The following KIAA1217 variants were observed in gnomAD, a reference collection of about 807,000 sequenced individuals.
KIAA1217 encodes KIAA1217, also known as sickle tail protein homolog.
In KIAA1217, 88 loss-of-function variants were observed where a neutral mutation model predicts 163.9. That is an observed-to-expected ratio of 0.54 (90% CI 0.45 to 0.64). The LOEUF is 0.64. KIAA1217 is among the 30% of genes least tolerant of loss of function. The pLI, the probability that KIAA1217 is intolerant of heterozygous loss-of-function variation, is 0.00. For synonymous variants in KIAA1217, 903 were observed against 923.1 expected (o/e 0.98, Z 0.39); for missense variants, 2,372 against 2,475.0 (o/e 0.96, Z 0.88).
intron 2 of KIAA1217, among the ~76,000 whole-genome samples, chr10:24,288,179 T>C (rs2078742720): frequency 6.6e-6 from 1 of 152,258 alleles, no homozygotes; most frequent in Non-Finnish European, 1.5e-5. Context: ...GACTTGTTTA[T>C]TTGAAAGTTG....
chr10:24,010,437 T>A (rs1359332040), intron 2 of KIAA1217, among the ~76,000 whole-genome samples: 1 of 152,074 alleles, frequency 6.6e-6, no homozygotes, highest in African/African-American at 2.4e-5. Context: ...AAATAAAAAG[T>A]TTTTTGAAAG....
chr10:24,504,761 T>C (rs960676164), intron 9 of KIAA1217, among the ~76,000 whole-genome samples: 3 of 152,232 alleles, frequency 2.0e-5, no homozygotes, highest in African/African-American at 7.2e-5. Flanking sequence ...AATCCTAGAC[T>C]GTAGAGCATA....
At chr10:24,329,436 T>C (rs2045374983) in intron 2 of KIAA1217, among the ~76,000 whole-genome samples, 1 of 152,016 alleles carries the variant, frequency 6.6e-6, no homozygotes, top group African/African-American at 2.4e-5. Context: ...TCATTATAAA[T>C]TCCCCTTTCT....
At chr10:23,947,459 T>C (rs1844108839) in intron 1 of KIAA1217, among the ~76,000 whole-genome samples, 1 of 152,218 alleles carries the variant, frequency 6.6e-6, no homozygotes, top group South Asian at 2.1e-4. Flanking sequence ...TATGCCAGGC[T>C]TTCCTTTTAG....
At chr10:24,074,021 T>C (rs182371471) in intron 2 of KIAA1217, among the ~76,000 whole-genome samples, 5 of 152,026 alleles carry the variant, frequency 3.3e-5, no homozygotes, top group African/African-American at 7.2e-5. Flanking sequence ...CAGAAAATAA[T>C]TGGACTGTCT....
chr10:24,386,954 T>A (rs2054093959), intron 3 of KIAA1217, among the ~76,000 whole-genome samples: 1 of 152,192 alleles, frequency 6.6e-6, no homozygotes. Context: ...ATGAAATTTG[T>A]TTTTTCTAAG....
At chr10:23,797,573 A>C (rs1588840930) in intron 1 of KIAA1217, among the ~76,000 whole-genome samples, 1 of 152,086 alleles carries the variant, frequency 6.6e-6, no homozygotes, top group South Asian at 2.1e-4. Flanking sequence ...GTGGCTGGGG[A>C]GGCCTCAGGA....
rs143270065 is a variant in KIAA1217 at position 23,953,252 on chromosome 10, G to A, written c.-320-53973G>A. Among the ~76,000 whole-genome samples the A allele has an allele frequency of 3.0e-4, 45 of 152,262 alleles. No individual in the cohort carries two copies. In the East Asian group the frequency reaches 4.6e-3, roughly 16 times the overall value. ...CTTATGCTTCATGAAAAAATTAACC[G>A]TGAAATATCAGTGGTTTAACATATT... On this transcript the variant is annotated intron_variant, in intron 1 of 18. Transcript: ENST00000376462.
chr10:24,276,252 C>A (rs17505709), intron 2 of KIAA1217, among the ~76,000 whole-genome samples: 48,065 of 152,042 alleles, frequency 0.32, 8,396 homozygotes, highest in Admixed American at 0.47. Context: ...TGCCATTGAA[C>A]AGAACGCAGA....
rs12258264 is a variant in KIAA1217, at chr10:23,774,739, G to A, written c.-321+79505G>A. On this transcript the variant is annotated intron_variant, in intron 1 of 18. Transcript: ENST00000376462. Reference sequence around the variant, plus strand: ...AGAAAAAGGTGCAGTCTGGGGCCCAGGGCCTGCTCTTGTTTGGCTGCTATT... The same window carrying A: ...AGAAAAAGGTGCAGTCTGGGGCCCAAGGCCTGCTCTTGTTTGGCTGCTATT... Among the ~76,000 whole-genome samples the A allele has an allele frequency of 8.8e-3, 1,344 of 152,306 alleles. 35 individuals carry two copies. The highest frequency in any genetic ancestry group is 0.028 in the East Asian group (146 of 5,184).
intron 2 of KIAA1217, among the ~76,000 whole-genome samples, chr10:24,087,587 A>G (rs12254567): frequency 0.13 from 19,697 of 152,186 alleles, 3,166 homozygotes; most frequent in African/African-American, 0.38. Context: ...TAAATGAATT[A>G]GCGAAAGGCT....
At chr10:23,973,904 T>A (rs1845428355) in intron 1 of KIAA1217, among the ~76,000 whole-genome samples, 1 of 152,166 alleles carries the variant, frequency 6.6e-6, no homozygotes, top group Non-Finnish European at 1.5e-5. Flanking sequence ...CAGTCCTGCA[T>A]GTTCAACTCT....
Position 24,219,769 on chromosome 10 carries a change from C to A in KIAA1217, c.214C>A (p.Pro72Thr). 3.1e-6 allele frequency: 5 copies of A among 1,613,890 alleles called. No homozygotes were observed. In the South Asian group the frequency reaches 3.3e-5, roughly 11 times the overall value. ...NIPRRHTLGGPRSSKEILGMQ... is the reference protein window; with the variant it reads ...NIPRRHTLGGTRSSKEILGMQ... ...CCCAAGGAGACACACCCTAGGGGGG[C>A]CCCGAAGTTCCAAGGAAATACTGGG... The change falls in exon 2 of 21, where the codon CCC becomes ACC. Residue 72 changes from proline (P) to threonine (T), a missense_variant. Physicochemically the swap from Pro to Thr is conservative, Grantham distance 38. Coordinates refer to ENST00000376454, the MANE Select transcript of KIAA1217 (RefSeq NM_019590.5).
At chr10:23,965,468 A>T (rs888531922) in intron 1 of KIAA1217, among the ~76,000 whole-genome samples, 1 of 152,226 alleles carries the variant, frequency 6.6e-6, no homozygotes, top group Non-Finnish European at 1.5e-5. Flanking sequence ...TTTTGTTTCC[A>T]GCTAGTTTCC....
intron 3 of KIAA1217, among the ~76,000 whole-genome samples, chr10:24,389,677 C>T (rs1158239141): frequency 1.3e-5 from 2 of 152,174 alleles, no homozygotes; most frequent in Non-Finnish European, 2.9e-5. Context: ...GGGTGTCTGG[C>T]TGGAATCACC....
intron 2 of KIAA1217, among the ~76,000 whole-genome samples, chr10:24,352,868 G>A (rs757898287): frequency 9.2e-5 from 14 of 152,214 alleles, no homozygotes; most frequent in South Asian, 2.1e-4. Flanking sequence ...GGCTTAAAGT[G>A]CAAGCGAAAG....
intron 1 of KIAA1217, among the ~76,000 whole-genome samples, chr10:23,983,376 G>A (rs1845847699): frequency 6.6e-6 from 1 of 152,190 alleles, no homozygotes; most frequent in South Asian, 2.1e-4. Context: ...TCATGATTCT[G>A]CAGGCTATAC....
At chr10:24,013,267 C>G (rs1847321371) in intron 2 of KIAA1217, among the ~76,000 whole-genome samples, 1 of 151,966 alleles carries the variant, frequency 6.6e-6, no homozygotes, top group Admixed American at 6.6e-5. Context: ...GTTAGACAAG[C>G]TTCGTTTGGG....
At chr10:23,823,531 C>T (rs1837725036) in intron 1 of KIAA1217, among the ~76,000 whole-genome samples, 1 of 152,114 alleles carries the variant, frequency 6.6e-6, no homozygotes, top group Non-Finnish European at 1.5e-5. Flanking sequence ...AGGATAACTC[C>T]CTCAAAATCT....
Sources: gnomAD v4.1 joint callset for allele counts (sites outside exome capture counted in the v4.1 genomes callset) on GRCh38, gnomAD v4.1.1 for gene constraint, MANE v1.5 for transcripts, NCBI Gene and HGNC (gene_info 2026-07-23, HGNC 2026-07-21) for gene names.